PIGU: variants seen among roughly 807,000 people sequenced by gnomAD.
PIGU encodes the protein GPI-anchor transamidase component PIGU.
PIGU carries 24 observed loss-of-function variants against 49.9 expected under a neutral mutation model. The observed-to-expected ratio is 0.48, with a 90% CI of 0.35 to 0.68. The LOEUF (loss-of-function observed/expected upper bound fraction) is 0.68. Among genes scored for constraint, PIGU ranks in the 30% least tolerant of loss-of-function variants. PIGU has a pLI of 0.01. For missense variants in PIGU, 490 were observed against 532.6 expected, an observed-to-expected ratio of 0.92 and a Z score of 0.79; for synonymous variants, 220 against 205.7, an observed-to-expected ratio of 1.07 and a Z score of -0.59.
chr20:34,644,285 G>A, intron 3 of PIGU, 59 bp from the exon 4 acceptor site: 1 of 1,401,124 alleles, frequency 7.1e-7, no homozygotes, highest in South Asian at 1.2e-5. Flanking sequence ...GAGTACTAGA[G>A]TGCTACCAGG....
chr20:34,573,877 G>C (rs1983115787), intron 11 of PIGU, among the ~76,000 whole-genome samples: 2 of 152,246 alleles, frequency 1.3e-5, no homozygotes. Flanking sequence ...CACAAACCAA[G>C]ACAACTGGCT....
intron 6 of PIGU, among the ~76,000 whole-genome samples, chr20:34,628,959 C>A (rs9753552): frequency 0.016 from 2,473 of 152,016 alleles, 81 homozygotes; most frequent in African/African-American, 0.058. Flanking sequence ...ATAACTTTGC[C>A]GTGCCTTCCT....
At chr20:34,565,099 CCCAG>C (rs1982687751) in intron 11 of PIGU, among the ~76,000 whole-genome samples, 1 of 152,204 alleles carries the variant, frequency 6.6e-6, no homozygotes, top group Non-Finnish European at 1.5e-5. Context: ...AGCCCCTTTG[CCCAG>C]TCTGGACAGG....
intron 7 of PIGU, among the ~76,000 whole-genome samples, chr20:34,609,581 T>C (rs530051383): frequency 7.9e-5 from 12 of 152,264 alleles, no homozygotes; most frequent in Admixed American, 7.2e-4. Flanking sequence ...GCCAGGCTTG[T>C]CTCGAACTCC....
chr20:34,577,987 T>TA (rs2043456966), intron 10 of PIGU, among the ~76,000 whole-genome samples: 1 of 152,202 alleles, frequency 6.6e-6, no homozygotes, highest in South Asian at 2.1e-4. Flanking sequence ...GTTTTCAAGT[T>TA]ACAGTTCATT....
At chr20:34,597,198 T>C (rs1387323013) in intron 7 of PIGU, among the ~76,000 whole-genome samples, 1 of 152,204 alleles carries the variant, frequency 6.6e-6, no homozygotes, top group Non-Finnish European at 1.5e-5. Context: ...AGAATGTTCA[T>C]AGTAGTCTAT....
chr20:34,647,631 T>G (rs1046888524), intron 2 of PIGU, among the ~76,000 whole-genome samples: 1 of 152,134 alleles, frequency 6.6e-6, no homozygotes. Context: ...GGTCTCGATC[T>G]CCTGACCTCA....
At chr20:34,600,955 AC>A (rs1380076422) in intron 7 of PIGU, among the ~76,000 whole-genome samples, 1 of 151,726 alleles carries the variant, frequency 6.6e-6, no homozygotes, top group Non-Finnish European at 1.5e-5. Context: ...AATTGCTTGA[AC>A]CCAGGAGGTG....
At chr20:34,601,474 C>T (rs1984422836) in intron 7 of PIGU, among the ~76,000 whole-genome samples, 1 of 152,116 alleles carries the variant, frequency 6.6e-6, no homozygotes, top group Non-Finnish European at 1.5e-5. Flanking sequence ...TGTTTATAAA[C>T]ACTAGAGCCA....
intron 11 of PIGU, among the ~76,000 whole-genome samples, chr20:34,572,798 C>T (rs147274734): frequency 2.0e-4 from 30 of 152,252 alleles, no homozygotes; most frequent in African/African-American, 7.0e-4. Flanking sequence ...TGAAAAACAG[C>T]AAGCCAAAGA....
chr20:34,609,953 A>T (rs1600625664), intron 7 of PIGU, among the ~76,000 whole-genome samples: 1 of 151,180 alleles, frequency 6.6e-6, no homozygotes, highest in South Asian at 2.1e-4. Flanking sequence ...TTTGCTTGGC[A>T]CCTCTCCTTC....
At chr20:34,592,742 T>C (rs985610242) in intron 7 of PIGU, among the ~76,000 whole-genome samples, 6 of 152,112 alleles carry the variant, frequency 3.9e-5, no homozygotes, top group Non-Finnish European at 7.4e-5. Flanking sequence ...TTGGAGAGAA[T>C]ATATTGGATA....
chr20:34,676,212 A>C lies in PIGU; in HGVS notation c.130+744T>G, dbSNP rs146195018. Among the ~76,000 whole-genome samples the C allele has an allele frequency of 2.8e-3, 422 of 152,226 alleles. 1 individual carries two copies. The highest frequency in any genetic ancestry group is 9.6e-3 in the African/African-American group (400 of 41,534). On this transcript the variant is annotated intron_variant, in intron 1 of 11. Coordinates refer to ENST00000217446, the MANE Select transcript of PIGU (RefSeq NM_080476.5). Reference sequence around the variant, plus strand: ...TCCCTTTCAAAACCCTACATCCTTCAAGAGTCAGCTCAAATCCCACATTCT... The same window carrying C: ...TCCCTTTCAAAACCCTACATCCTTCCAGAGTCAGCTCAAATCCCACATTCT...
intron 11 of PIGU, chr20:34,562,409 C>T: frequency 1.6e-6 from 2 of 1,284,740 alleles, no homozygotes; most frequent in South Asian, 1.2e-5. Context: ...GACCTCCAGA[C>T]CCTGTCCTGG....
chr20:34,649,488 A>T (rs1986460726), intron 2 of PIGU, among the ~76,000 whole-genome samples: 1 of 140,404 alleles, frequency 7.1e-6, no homozygotes. Context: ...TCTTCTCTTT[A>T]GCTTTGTGTA....
chr20:34,627,903 A>C (rs1281023162), intron 6 of PIGU, among the ~76,000 whole-genome samples: 2 of 152,172 alleles, frequency 1.3e-5, no homozygotes, highest in Admixed American at 6.6e-5. Flanking sequence ...TCAGAACAAG[A>C]CAATTCAGGC....
intron 1 of PIGU, among the ~76,000 whole-genome samples, chr20:34,658,326 G>A (rs1482311832): frequency 1.1e-4 from 16 of 152,056 alleles, no homozygotes; most frequent in Middle Eastern, 3.4e-3. Context: ...GTGCAGTGGC[G>A]TGATCTCGGC....
chr20:34,613,505 T>C (rs959942542), intron 7 of PIGU, among the ~76,000 whole-genome samples: 2 of 152,236 alleles, frequency 1.3e-5, no homozygotes, highest in Non-Finnish European at 2.9e-5. Flanking sequence ...CATTTTTATC[T>C]TCTTTTATTT....
At chr20:34,575,002 G>A (rs1027762349) in intron 11 of PIGU, 102 bp downstream of exon 11, 69 of 1,460,980 alleles carry the variant, frequency 4.7e-5, no homozygotes, top group African/African-American at 2.5e-4. Context: ...CCTCCTTCAC[G>A]TCTGCACCCC....
Sources: allele counts gnomAD v4.1 joint callset (sites outside exome capture counted in the v4.1 genomes callset), GRCh38; gene constraint gnomAD v4.1.1; transcripts MANE v1.5; gene names NCBI Gene and HGNC (gene_info 2026-07-23, HGNC 2026-07-21).